CNTN1: variants seen among roughly 807,000 people sequenced by gnomAD.
CNTN1 encodes the protein contactin 1.
In CNTN1, 38 loss-of-function variants were observed where a neutral mutation model predicts 126.4. That is an observed-to-expected ratio of 0.30 (90% CI 0.23 to 0.39). The LOEUF is 0.39. Among genes scored for constraint, CNTN1 ranks in the 10% least tolerant of loss-of-function variants. CNTN1 has a pLI of 1.00. For synonymous variants in CNTN1, 413 were observed against 422.6 expected, an observed-to-expected ratio of 0.98 and a Z score of 0.28; for missense variants, 1,009 against 1,248.4, an observed-to-expected ratio of 0.81 and a Z score of 2.89.
chr12:40,946,680 T>C (rs558786518), intron 14 of CNTN1, among the ~76,000 whole-genome samples: 5 of 152,226 alleles, frequency 3.3e-5, no homozygotes, highest in African/African-American at 1.2e-4. Flanking sequence ...TAAAAAGGAA[T>C]AGGGAAATCA....
At chr12:40,975,322 A>G (rs567253749) in intron 15 of CNTN1, among the ~76,000 whole-genome samples, 1 of 151,664 alleles carries the variant, frequency 6.6e-6, no homozygotes, top group East Asian at 1.9e-4. Context: ...AATGTTGAAA[A>G]CATAAATTTA....
intron 15 of CNTN1, chr12:40,972,756 T>C: frequency 1.6e-6 from 1 of 617,956 alleles, no homozygotes; most frequent in South Asian, 7.2e-5. Context: ...AATTTGAGAA[T>C]TTTCATGTGT....
intron 1 of CNTN1, among the ~76,000 whole-genome samples, chr12:40,780,197 A>C (rs1288457501): frequency 6.6e-6 from 1 of 151,944 alleles, no homozygotes; most frequent in East Asian, 1.9e-4. Flanking sequence ...ACAAATTTTA[A>C]GAAGTTGCTA....
intron 23 of CNTN1, among the ~76,000 whole-genome samples, chr12:41,040,658 T>C (rs916769659): frequency 6.6e-6 from 1 of 152,148 alleles, no homozygotes; most frequent in African/African-American, 2.4e-5. Context: ...TCCTAGGTAT[T>C]CTATTCTCTT....
intron 1 of CNTN1, among the ~76,000 whole-genome samples, chr12:40,858,275 C>G (rs1233421008): frequency 1.3e-5 from 2 of 152,150 alleles, no homozygotes; most frequent in Non-Finnish European, 2.9e-5. Context: ...AGGGCCCAAG[C>G]CCTCTTTTAA....
At chr12:40,833,112 G>T (rs1391735461) in intron 1 of CNTN1, among the ~76,000 whole-genome samples, 1 of 151,936 alleles carries the variant, frequency 6.6e-6, no homozygotes, top group African/African-American at 2.4e-5. Flanking sequence ...CTGGAGTCCA[G>T]TGGCGCAGTC....
intron 23 of CNTN1, among the ~76,000 whole-genome samples, chr12:41,064,808 G>A (rs965718744): frequency 6.7e-6 from 1 of 149,946 alleles, no homozygotes; most frequent in African/African-American, 2.5e-5. Context: ...TAGATGCCAT[G>A]AGACATATTA....
rs1431304817 is a variant in CNTN1 at position 40,949,458 on chromosome 12, A to G, written c.1683+5288A>G. ...ACCCCACAACAGTCCCCAGAGTGTG[A>G]TATTCCCCTTCCTGTGTCCATGTGA... On this transcript the variant is annotated intron_variant, in intron 14 of 23. Coordinates refer to ENST00000551295, the MANE Select transcript of CNTN1 (RefSeq NM_001843.4). Among the ~76,000 whole-genome samples the G allele has an allele frequency of 2.5e-5, 3 of 119,162 alleles. No homozygotes were observed. The Admixed American group carries it at 3.2e-4, about 13-fold the overall frequency. The allele number at this position is 119,162 out of a possible 152,430, so 78.2% of individuals were successfully genotyped here.
chr12:41,026,382 G>A (rs1265789363), intron 21 of CNTN1, among the ~76,000 whole-genome samples: 1 of 152,118 alleles, frequency 6.6e-6, no homozygotes, highest in African/African-American at 2.4e-5. Flanking sequence ...AGCTGACAGG[G>A]CAATAAAATG....
At chr12:40,922,774 C>T (rs1358740173) in intron 5 of CNTN1, among the ~76,000 whole-genome samples, 1 of 151,850 alleles carries the variant, frequency 6.6e-6, no homozygotes, top group Admixed American at 6.6e-5. Flanking sequence ...AGATCGAGAC[C>T]ATCCTGGCCA....
chr12:40,761,293 C>A (rs1938856591), intron 1 of CNTN1, among the ~76,000 whole-genome samples: 1 of 152,030 alleles, frequency 6.6e-6, no homozygotes, highest in Admixed American at 6.6e-5. Context: ...TTTAGTTAGA[C>A]ACCATTTAAT....
chr12:41,069,965 C>A lies in CNTN1; in HGVS notation c.2987C>A (p.Pro996His). Residue 996 changes from proline to histidine, a missense_variant, in exon 24 of 24, where the codon CCC becomes CAC. By Grantham distance (77) the Pro-to-His change is moderately conservative. Coordinates refer to ENST00000551295, the MANE Select transcript of CNTN1 (RefSeq NM_001843.4). ...VVSQVKISGA[P>H]TLSPSLLGLL... ...CTTTTGGTTTACCTTGCAGGTGCACCCACCCTATCCCCAAGTCTTCTCGGC... is the reference window on the plus strand; with the variant it reads ...CTTTTGGTTTACCTTGCAGGTGCACACACCCTATCCCCAAGTCTTCTCGGC... 1 of 1,613,722 alleles carries A rather than the reference C, an allele frequency of 6.2e-7. No individual in the cohort carries two copies. The highest frequency in any genetic ancestry group is 8.5e-7 in the Non-Finnish European group (1 of 1,179,876).
chr12:41,028,807 G>A (rs1480516851), intron 22 of CNTN1, among the ~76,000 whole-genome samples: 1 of 151,760 alleles, frequency 6.6e-6, no homozygotes, highest in African/African-American at 2.4e-5. Context: ...TTTATTTTGG[G>A]TCATCTCAAA....
Position 40,973,238 on chromosome 12 carries a change from C to T in CNTN1, c.1805-7671C>T, listed in dbSNP as rs1337309721. On this transcript the variant is annotated intron_variant, in intron 15 of 23. Transcript: ENST00000551295. ...AATGGTAGAGATATTTAATAAGATT[C>T]AGCTTCATCTTAGTACAACTTCAAA... Among the ~76,000 whole-genome samples the T allele has an allele frequency of 2.0e-5, 3 of 151,990 alleles. No homozygotes were observed. The East Asian group carries it at 5.8e-4, about 29-fold the overall frequency.
intron 1 of CNTN1, among the ~76,000 whole-genome samples, chr12:40,704,879 G>T (rs1397939413): frequency 4.6e-5 from 7 of 152,062 alleles, no homozygotes; most frequent in African/African-American, 1.7e-4. Context: ...GTTGTAAAGA[G>T]GAAAAATTGC....
rs146343974 is a variant in CNTN1, at chr12:40,962,193, T to A, written c.1804+2959T>A. On this transcript the variant is annotated intron_variant, in intron 15 of 23. Coordinates refer to ENST00000551295, the MANE Select transcript of CNTN1 (RefSeq NM_001843.4). ...GATTGTGGATTTCTTTTAGCCTACA[T>A]CACACTGAAGGAAATGAATACATAG... Among the ~76,000 whole-genome samples, 367 of 152,222 alleles carry A rather than the reference T, an allele frequency of 2.4e-3. 1 individual carries two copies. The highest frequency in any genetic ancestry group is 8.5e-3 in the African/African-American group (354 of 41,552).
At chr12:40,948,258 CTTTTTTT>C (rs58087551) in intron 14 of CNTN1, among the ~76,000 whole-genome samples, 28 of 62,684 alleles carry the variant, frequency 4.5e-4, no homozygotes, top group African/African-American at 1.4e-3. Context: ...TTCTTTCTTT[CTTTTTTT>C]TTTTTTTTTT....
At chr12:40,729,354 A>G (rs1037603629) in intron 1 of CNTN1, 2 of 152,686 alleles carry the variant, frequency 1.3e-5, no homozygotes, top group African/African-American at 4.8e-5. Flanking sequence ...CTGAATTATT[A>G]TACTTTCCCA....
intron 14 of CNTN1, among the ~76,000 whole-genome samples, chr12:40,951,714 T>TAAA (rs1294780787): frequency 0.042 from 3,304 of 79,562 alleles, 283 homozygotes; most frequent in Middle Eastern, 0.09. Flanking sequence ...GTCTCAAAAT[T>TAAA]TAAAAAAAAA....
Sources: gnomAD v4.1 joint callset for allele counts (sites outside exome capture counted in the v4.1 genomes callset) on GRCh38, gnomAD v4.1.1 for gene constraint, MANE v1.5 for transcripts, NCBI Gene and HGNC (gene_info 2026-07-23, HGNC 2026-07-21) for gene names.